The following DNAH14 variants were observed in gnomAD, a reference collection of about 807,000 sequenced individuals.
The protein encoded by DNAH14 is dynein axonemal heavy chain 14.
A neutral mutation model predicts 520.9 loss-of-function variants in DNAH14; 478 were observed. The ratio of observed to expected loss-of-function variants is 0.92; its 90% CI spans 0.85 to 0.99. DNAH14 has a LOEUF of 0.99. Among genes scored for constraint, DNAH14 ranks in the 50% least tolerant of loss-of-function variants. DNAH14 has a pLI of 0.00. For missense variants in DNAH14, 4,831 were observed against 5,234.5 expected (o/e 0.92, Z 2.38); for synonymous variants, 1,581 against 1,757.2 (o/e 0.90, Z 2.51).
intron 10 of DNAH14, among the ~76,000 whole-genome samples, chr1:225,016,718 T>G (rs2065243088): frequency 6.6e-6 from 1 of 152,068 alleles, no homozygotes. Flanking sequence ...CTGTGAGTTT[T>G]CTTCACTGTT....
chr1:225,147,111 G>T lies in DNAH14; in HGVS notation c.4802G>T (p.Arg1601Ile). The change falls in exon 31 of 86, where the codon AGA becomes ATA. Residue 1601 changes from arginine (R) to isoleucine (I), a missense_variant. Physicochemically the swap from Arg to Ile is moderately conservative, Grantham distance 97. Transcript: ENST00000682510. ...CFEDLDYKIV[R>I]KFFFGLVQSG... ...TCTTTTTTTTTTTAAAAGATAGTGA[G>T]AAAATTTTTCTTTGGACTAGTTCAG... The T allele has an allele frequency of 6.6e-7, 1 of 1,505,348 alleles. No homozygotes were observed. Among genetic ancestry groups the T allele is most frequent in the Non-Finnish European group, 8.8e-7 (1 of 1,130,616 alleles). 93.2% of individuals were successfully genotyped at this position (1,505,348 alleles called of 1,614,324 possible).
At chr1:225,143,513 C>T (rs1412155403) in intron 28 of DNAH14, among the ~76,000 whole-genome samples, 2 of 152,090 alleles carry the variant, frequency 1.3e-5, no homozygotes, top group Admixed American at 6.6e-5. Context: ...AGGATATACA[C>T]ACTACTACAT....
intron 55 of DNAH14, among the ~76,000 whole-genome samples, chr1:225,293,829 T>TA (rs1558291939): frequency 1.4e-4 from 21 of 151,776 alleles, no homozygotes; most frequent in Admixed American, 3.9e-4. Flanking sequence ...AGTTTTTTTT[T>TA]TAAAAAAAGA....
At chr1:225,244,640 G>A (rs1000841103) in intron 43 of DNAH14, among the ~76,000 whole-genome samples, 1 of 152,112 alleles carries the variant, frequency 6.6e-6, no homozygotes. Context: ...TATTTGCATA[G>A]AGGTTTTTAT....
chr1:225,352,192 T>G (rs1032334269), intron 72 of DNAH14, among the ~76,000 whole-genome samples: 1 of 152,178 alleles, frequency 6.6e-6, no homozygotes, highest in Non-Finnish European at 1.5e-5. Flanking sequence ...TTTCATTCAT[T>G]TTAACAAATG....
At chr1:225,201,425 G>A (rs1373072727) in intron 38 of DNAH14, among the ~76,000 whole-genome samples, 1 of 152,048 alleles carries the variant, frequency 6.6e-6, no homozygotes, top group East Asian at 1.9e-4. Context: ...GTTTTTGGGG[G>A]CTGCTAAAGA....
chr1:225,046,827 G>T (rs973030894), intron 15 of DNAH14, among the ~76,000 whole-genome samples: 1 of 151,748 alleles, frequency 6.6e-6, no homozygotes, highest in Non-Finnish European at 1.5e-5. Flanking sequence ...TATTTATTTT[G>T]TTGCTCAAGT....
intron 28 of DNAH14, among the ~76,000 whole-genome samples, chr1:225,143,733 T>C (rs1001562333): frequency 3.3e-5 from 5 of 152,046 alleles, no homozygotes; most frequent in African/African-American, 4.8e-5. Flanking sequence ...AAAAAAAACA[T>C]AAAATTCTTT....
At chr1:225,358,181 G>T (rs1438520712) in intron 73 of DNAH14, among the ~76,000 whole-genome samples, 1 of 152,098 alleles carries the variant, frequency 6.6e-6, no homozygotes, top group Non-Finnish European at 1.5e-5. Flanking sequence ...GAAAACCGAG[G>T]GGAAAAAATT....
chr1:225,137,618 A>G (rs1446439759), intron 27 of DNAH14, among the ~76,000 whole-genome samples: 1 of 152,094 alleles, frequency 6.6e-6, no homozygotes, highest in African/African-American at 2.4e-5. Context: ...AGCCTCCCAG[A>G]GTGCTGGGAT....
Position 224,981,333 on chromosome 1 carries a change from A to G in DNAH14, c.830+7180A>G, listed in dbSNP as rs185619311. Among the ~76,000 whole-genome samples the G allele has an allele frequency of 5.0e-4, 76 of 152,228 alleles. 1 individual carries two copies. The East Asian group carries it at 0.013, about 25-fold the overall frequency. Reference sequence around the variant, plus strand: ...ATTAGGGAGGGTTCCTTCTTTCCCTATCTTGTGGAATAGTGTCAAAAGGAT... The same window carrying G: ...ATTAGGGAGGGTTCCTTCTTTCCCTGTCTTGTGGAATAGTGTCAAAAGGAT... On this transcript the variant is annotated intron_variant, in intron 8 of 85. Coordinates refer to ENST00000682510, the MANE Select transcript of DNAH14 (RefSeq NM_001367479.1).
intron 8 of DNAH14, among the ~76,000 whole-genome samples, chr1:224,984,920 A>T (rs1248114436): frequency 6.6e-6 from 1 of 152,222 alleles, no homozygotes; most frequent in East Asian, 1.9e-4. Flanking sequence ...ACAATGCGAT[A>T]CCTTACTCCT....
At chr1:225,019,615 A>C (rs1400343333) in intron 10 of DNAH14, among the ~76,000 whole-genome samples, 5 of 152,278 alleles carry the variant, frequency 3.3e-5, no homozygotes, top group Admixed American at 6.5e-5. Context: ...CAGAGTATAC[A>C]TTCTTCTCGT....
chr1:225,293,162 T>C (rs1353720310), intron 55 of DNAH14, among the ~76,000 whole-genome samples: 1 of 151,880 alleles, frequency 6.6e-6, no homozygotes, highest in African/African-American at 2.4e-5. Context: ...TATTAAAAAG[T>C]CAAAAAATAA....
At position 225,347,260 on chromosome 1, in the gene DNAH14, A is replaced by G. The variant is rs1347485719; in HGVS notation, c.11296+606A>G. Among the ~76,000 whole-genome samples the G allele has an allele frequency of 5.9e-5, 9 of 152,344 alleles. No homozygotes were observed. The East Asian group carries it at 1.5e-3, about 26-fold the overall frequency. The stretch of plus-strand genomic sequence containing the variant: ...CCTTCACAGAGATACCAAGTTAACA[A>G]CAATATACAGATCAGAATACCTCTG... On this transcript the variant is annotated intron_variant, in intron 71 of 85. Coordinates refer to ENST00000682510, the MANE Select transcript of DNAH14 (RefSeq NM_001367479.1).
At chr1:225,067,012 G>A (rs893919294) in intron 17 of DNAH14, among the ~76,000 whole-genome samples, 8 of 152,122 alleles carry the variant, frequency 5.3e-5, no homozygotes, top group African/African-American at 1.4e-4. Flanking sequence ...TGCAGAATGT[G>A]CAGGTTTGTT....
At chr1:225,047,711 T>C (rs2068088235) in intron 15 of DNAH14, among the ~76,000 whole-genome samples, 1 of 152,222 alleles carries the variant, frequency 6.6e-6, no homozygotes, top group African/African-American at 2.4e-5. Flanking sequence ...GAAAAACAAA[T>C]GTATCAACTA....
At chr1:225,254,508 C>G (rs599355) in intron 44 of DNAH14, among the ~76,000 whole-genome samples, 30,162 of 152,084 alleles carry the variant, frequency 0.2, 3,141 homozygotes, top group East Asian at 0.37. Context: ...TGCTGTAACT[C>G]TAGGGAAAGT....
chr1:225,119,418 A>G, intron 26 of DNAH14, 124 bp downstream of exon 26: 3 of 591,456 alleles, frequency 5.1e-6, no homozygotes, highest in Non-Finnish European at 7.8e-6. Flanking sequence ...TCCAGAAAAG[A>G]ATATGGAGTC....
Sources: allele counts gnomAD v4.1 joint callset (sites outside exome capture counted in the v4.1 genomes callset), GRCh38; gene constraint gnomAD v4.1.1; transcripts MANE v1.5; gene names NCBI Gene and HGNC (gene_info 2026-07-23, HGNC 2026-07-21).